Variants in SEL1L2 observed in about 807,000 individuals in gnomAD.
SEL1L2 encodes the protein SEL1L2 adaptor subunit of SYVN1 ubiquitin ligase, also known as protein sel-1 homolog 2.
SEL1L2 carries 89 observed loss-of-function variants against 98.8 expected under a neutral mutation model. The ratio of observed to expected loss-of-function variants is 0.90; its 90% CI spans 0.76 to 1.07. The LOEUF is 1.07. Among genes scored for constraint, SEL1L2 ranks in the 50% least tolerant of loss-of-function variants. SEL1L2 has a pLI of 0.00. For missense variants in SEL1L2, 788 were observed against 812.0 expected (o/e 0.97, Z 0.36); for synonymous variants, 262 against 278.5 (o/e 0.94, Z 0.59).
rs763424251 is a variant in SEL1L2 at position 13,885,709 on chromosome 20, C to A, written c.901-306G>T. Among the ~76,000 whole-genome samples the A allele has an allele frequency of 5.9e-4, 90 of 152,104 alleles. 1 individual carries two copies. Among genetic ancestry groups the A allele is most frequent in the Admixed American group, 1.0e-3 (16 of 15,282 alleles). Reference sequence around the variant, plus strand: ...TACTGTCCCATTCCCAAAAACAGAACCTTTCTGGATTGCCGTAGTTTATTC... The same window carrying A: ...TACTGTCCCATTCCCAAAAACAGAAACTTTCTGGATTGCCGTAGTTTATTC... On this transcript the variant is annotated intron_variant, in intron 9 of 19. Transcript: ENST00000284951.
chr20:13,969,161 T>C (rs1472221798), intron 1 of SEL1L2, among the ~76,000 whole-genome samples: 1 of 152,210 alleles, frequency 6.6e-6, no homozygotes, highest in Non-Finnish European at 1.5e-5. Context: ...TTGTCACTAG[T>C]TGAAGTGGCT....
chr20:13,858,554 A>C (rs1319622335), intron 18 of SEL1L2, among the ~76,000 whole-genome samples: 1 of 152,218 alleles, frequency 6.6e-6, no homozygotes, highest in Non-Finnish European at 1.5e-5. Flanking sequence ...ACAGAAACGC[A>C]TAGCCCACTT....
chr20:13,901,289 C>T (rs934552672), intron 5 of SEL1L2, among the ~76,000 whole-genome samples: 1 of 152,004 alleles, frequency 6.6e-6, no homozygotes, highest in African/African-American at 2.4e-5. Context: ...CCAGGATGGT[C>T]TCGATTTCCT....
intron 2 of SEL1L2, among the ~76,000 whole-genome samples, chr20:13,932,434 TA>T (rs1275720417): frequency 8.1e-5 from 12 of 148,324 alleles, no homozygotes; most frequent in East Asian, 3.9e-4. Flanking sequence ...TTATTATTAT[TA>T]TTATTATTAT....
intron 2 of SEL1L2, 119 bp from the exon 3 acceptor site, chr20:13,931,890 TA>T (rs2049161553): frequency 2.2e-5 from 16 of 739,100 alleles, no homozygotes; most frequent in Non-Finnish European, 3.0e-5. Context: ...GCAATTACTC[TA>T]ATTCTTGCTT....
At chr20:13,915,865 T>C (rs1273566519) in intron 4 of SEL1L2, among the ~76,000 whole-genome samples, 1 of 152,152 alleles carries the variant, frequency 6.6e-6, no homozygotes, top group Non-Finnish European at 1.5e-5. Flanking sequence ...TAATTAGTTA[T>C]CTGAATGGTC....
chr20:13,904,228 A>T (rs1443682735), intron 5 of SEL1L2, among the ~76,000 whole-genome samples: 1 of 152,168 alleles, frequency 6.6e-6, no homozygotes, highest in Non-Finnish European at 1.5e-5. Context: ...CACCAAAAAT[A>T]AAAAATATAT....
chr20:13,956,217 T>C (rs2050536080), intron 1 of SEL1L2, 86 bp from the exon 2 acceptor site: 1 of 686,992 alleles, frequency 1.5e-6, no homozygotes, highest in Non-Finnish European at 2.4e-6. Context: ...TAAAAAAACT[T>C]CTAGAAAACT....
At chr20:13,952,303 G>A (rs868426435) in intron 2 of SEL1L2, among the ~76,000 whole-genome samples, 2 of 152,172 alleles carry the variant, frequency 1.3e-5, no homozygotes, top group African/African-American at 4.8e-5. Flanking sequence ...CAACAACAGA[G>A]GTTAAAAGAC....
At chr20:13,964,601 C>T (rs1027058266) in intron 1 of SEL1L2, among the ~76,000 whole-genome samples, 5 of 152,024 alleles carry the variant, frequency 3.3e-5, no homozygotes, top group Non-Finnish European at 7.4e-5. Context: ...TACAGGCATG[C>T]ACCACCACCC....
intron 1 of SEL1L2, among the ~76,000 whole-genome samples, chr20:13,958,272 A>G (rs2050631053): frequency 6.6e-6 from 1 of 152,314 alleles, no homozygotes; most frequent in East Asian, 1.9e-4. Context: ...TATTATTATT[A>G]TATGGAACCT....
chr20:13,856,846 C>A (rs1989245475), intron 18 of SEL1L2, among the ~76,000 whole-genome samples: 1 of 152,178 alleles, frequency 6.6e-6, no homozygotes, highest in African/African-American at 2.4e-5. Context: ...TTATACTCAT[C>A]TTTCTCACTA....
intron 18 of SEL1L2, among the ~76,000 whole-genome samples, chr20:13,855,148 T>C (rs529620258): frequency 6.6e-6 from 1 of 151,444 alleles, no homozygotes; most frequent in Non-Finnish European, 1.5e-5. Context: ...TAGTCTTCAA[T>C]GGGCATAAAT....
chr20:13,903,065 G>A (rs575226693), intron 5 of SEL1L2, among the ~76,000 whole-genome samples: 6 of 148,150 alleles, frequency 4.0e-5, no homozygotes, highest in Admixed American at 2.0e-4. Flanking sequence ...TTGCAGTGAG[G>A]TGAGATCGCG....
intron 2 of SEL1L2, among the ~76,000 whole-genome samples, chr20:13,953,752 A>G (rs1336135639): frequency 6.6e-6 from 1 of 151,906 alleles, no homozygotes; most frequent in Non-Finnish European, 1.5e-5. Context: ...CACCCAATAA[A>G]CCCTGCCCTT....
At chr20:13,885,988 G>C (rs1006242346) in intron 9 of SEL1L2, among the ~76,000 whole-genome samples, 4 of 151,378 alleles carry the variant, frequency 2.6e-5, no homozygotes, top group African/African-American at 9.7e-5. Context: ...AGTGAGCCGA[G>C]ATTGTGCCAC....
chr20:13,995,271 T>C (rs2052615301), upstream of SEL1L2: 1 of 229,850 alleles, frequency 4.4e-6, no homozygotes. The surrounding 1 kb of genome is among the most constrained non-coding windows in gnomAD (Gnocchi z 4.3). Context: ...CGAGGACAGC[T>C]CCAGCCCCCT....
chr20:13,886,558 A>T, intron 8 of SEL1L2, 116 bp from the exon 9 acceptor site: 1 of 864,942 alleles, frequency 1.2e-6, no homozygotes, highest in Non-Finnish European at 1.7e-6. Flanking sequence ...AATCTGTTCA[A>T]CTAATAGAGA....
intron 1 of SEL1L2, 90 bp from the exon 2 acceptor site, chr20:13,956,221 GA>G: frequency 1.5e-6 from 1 of 672,358 alleles, no homozygotes. Context: ...AAAACTTCTA[GA>G]AAACTTTTAG....
Sources: allele counts gnomAD v4.1 joint callset (sites outside exome capture counted in the v4.1 genomes callset), GRCh38; gene constraint gnomAD v4.1.1; non-coding constraint Gnocchi (gnomAD v3.1); transcripts MANE v1.5; gene names NCBI Gene and HGNC (gene_info 2026-07-23, HGNC 2026-07-21).